NRXN3: variants seen among roughly 807,000 people sequenced by gnomAD.
The protein encoded by NRXN3 is neurexin 3.
Under a neutral mutation model 137.6 loss-of-function variants are expected in NRXN3, and 32 were observed. The observed-to-expected ratio is 0.23, with a 90% CI of 0.18 to 0.31. The LOEUF is 0.31. NRXN3 is among the 10% of genes least tolerant of loss of function. The pLI is 1.00. For synonymous variants in NRXN3, 798 were observed against 784.5 expected, an observed-to-expected ratio of 1.02 and a Z score of -0.29; for missense variants, 1,574 against 2,062.5, an observed-to-expected ratio of 0.76 and a Z score of 4.59.
At chr14:79,231,122 C>T (rs1355254594) in intron 15 of NRXN3, among the ~76,000 whole-genome samples, 1 of 152,112 alleles carries the variant, frequency 6.6e-6, no homozygotes, top group Non-Finnish European at 1.5e-5. Flanking sequence ...AAAAGCAAGA[C>T]TAAACAATTT....
chr14:78,354,939 A>C (rs2084053444), intron 4 of NRXN3, among the ~76,000 whole-genome samples: 1 of 152,192 alleles, frequency 6.6e-6, no homozygotes, highest in Non-Finnish European at 1.5e-5. Context: ...AGTGGTCAGC[A>C]CACAAGTCTC....
At chr14:79,483,167 T>C (rs952868754) in intron 16 of NRXN3, among the ~76,000 whole-genome samples, 4 of 152,220 alleles carry the variant, frequency 2.6e-5, no homozygotes, top group Non-Finnish European at 4.4e-5. Context: ...AGAATGATAT[T>C]TTGTAATGGT....
chr14:78,453,661 C>A (rs79345270), intron 4 of NRXN3, among the ~76,000 whole-genome samples: 4,277 of 152,220 alleles, frequency 0.028, 77 homozygotes, highest in Non-Finnish European at 0.037. Context: ...GTAAATGTGA[C>A]CTTATTTGGG....
intron 16 of NRXN3, among the ~76,000 whole-genome samples, chr14:79,579,622 T>G (rs2097696728): frequency 6.6e-6 from 1 of 152,030 alleles, no homozygotes; most frequent in South Asian, 2.1e-4. Context: ...TAGAAATTGT[T>G]TAGAATTTTG....
At chr14:79,708,821 GAAATAATTGGGGAAATA>G (rs1193659853) in intron 19 of NRXN3, among the ~76,000 whole-genome samples, 1 of 152,154 alleles carries the variant, frequency 6.6e-6, no homozygotes, top group Non-Finnish European at 1.5e-5. Flanking sequence ...ATTCATGGAT[GAAATAATTGGGGAAATA>G]AAATGATTGG....
intron 4 of NRXN3, among the ~76,000 whole-genome samples, chr14:78,513,555 G>A (rs770607014): frequency 9.2e-5 from 14 of 152,184 alleles, no homozygotes; most frequent in South Asian, 4.1e-4. Flanking sequence ...TGAGACACAG[G>A]AACATGCAGT....
intron 4 of NRXN3, among the ~76,000 whole-genome samples, chr14:78,523,229 C>G (rs2193669): frequency 6.6e-6 from 1 of 151,936 alleles, no homozygotes; most frequent in Non-Finnish European, 1.5e-5. Context: ...GCCTCAGGCT[C>G]TTTGTAAAAC....
At chr14:78,962,596 T>G (rs1391324569) in intron 11 of NRXN3, among the ~76,000 whole-genome samples, 2 of 152,270 alleles carry the variant, frequency 1.3e-5, no homozygotes, top group Non-Finnish European at 2.9e-5. Flanking sequence ...TTTCAAACTT[T>G]CAGCATCTCT....
intron 3 of NRXN3, chr14:78,282,389 T>C (rs1354394757): frequency 3.1e-6 from 1 of 319,402 alleles, no homozygotes. Context: ...CCAGTGCTTC[T>C]CCCTCCTGCC....
chr14:79,451,915 G>A (rs2096179018), intron 15 of NRXN3, among the ~76,000 whole-genome samples: 1 of 152,078 alleles, frequency 6.6e-6, no homozygotes, highest in South Asian at 2.1e-4. Context: ...TGGGATCTCG[G>A]GAAGCAGACC....
chr14:79,689,898 G>A (rs1603430639), intron 17 of NRXN3, among the ~76,000 whole-genome samples: 1 of 152,200 alleles, frequency 6.6e-6, no homozygotes, highest in Admixed American at 6.5e-5. Flanking sequence ...CTAGAAATTT[G>A]GAATTTTAGT....
intron 15 of NRXN3, among the ~76,000 whole-genome samples, chr14:79,388,519 A>T (rs564251872): frequency 6.6e-6 from 1 of 152,104 alleles, no homozygotes; most frequent in South Asian, 2.1e-4. Flanking sequence ...GGAACCCAAG[A>T]CAGTTCTTTC....
intron 10 of NRXN3, among the ~76,000 whole-genome samples, chr14:78,876,511 G>A (rs1049125150): frequency 1.3e-5 from 2 of 152,184 alleles, no homozygotes; most frequent in Admixed American, 6.5e-5. Flanking sequence ...GGCAGAGCAC[G>A]TTTGATGAAG....
chr14:79,496,305 A>T (rs531273130), intron 16 of NRXN3, among the ~76,000 whole-genome samples: 13 of 151,936 alleles, frequency 8.6e-5, no homozygotes, highest in Admixed American at 7.2e-4. Context: ...ATCCATGGTC[A>T]TCTAGTTACT....
intron 4 of NRXN3, among the ~76,000 whole-genome samples, chr14:78,468,827 A>G (rs1412936763): frequency 6.6e-6 from 1 of 152,186 alleles, no homozygotes; most frequent in Non-Finnish European, 1.5e-5. Context: ...TGCCTTAGGA[A>G]AGAATGAATG....
intron 4 of NRXN3, among the ~76,000 whole-genome samples, chr14:78,454,596 T>C (rs2094637241): frequency 6.6e-6 from 1 of 152,212 alleles, no homozygotes; most frequent in Non-Finnish European, 1.5e-5. Flanking sequence ...TTTAATGCTG[T>C]GGCCTCTCTA....
chr14:78,687,780 A>G (rs2098136561), intron 6 of NRXN3, among the ~76,000 whole-genome samples: 1 of 152,220 alleles, frequency 6.6e-6, no homozygotes, highest in Non-Finnish European at 1.5e-5. Flanking sequence ...TTTGGCCTCG[A>G]CATGACACAT....
chr14:79,107,393 C>A (rs2052650320), intron 15 of NRXN3, among the ~76,000 whole-genome samples: 1 of 152,052 alleles, frequency 6.6e-6, no homozygotes, highest in African/African-American at 2.4e-5. Flanking sequence ...GTGGCATCAA[C>A]AAAATTGGTA....
chr14:78,413,025 G>A (rs1422663965), intron 4 of NRXN3, among the ~76,000 whole-genome samples: 2 of 152,194 alleles, frequency 1.3e-5, no homozygotes, highest in Non-Finnish European at 2.9e-5. Flanking sequence ...AAGGCATTTT[G>A]TCTTCTTACC....
Sources: allele counts gnomAD v4.1 joint callset (sites outside exome capture counted in the v4.1 genomes callset), GRCh38; gene constraint gnomAD v4.1.1; transcripts MANE v1.5; gene names NCBI Gene and HGNC (gene_info 2026-07-23, HGNC 2026-07-21).